ACIN1: variants seen among roughly 807,000 people sequenced by gnomAD.
ACIN1 encodes the protein apoptotic chromatin condensation inducer 1, also known as apoptotic chromatin condensation inducer in the nucleus.
ACIN1 carries 16 observed loss-of-function variants against 146.6 expected under a neutral mutation model. That is an observed-to-expected ratio of 0.11 (90% CI 0.07 to 0.17). The LOEUF is 0.17. Ranked by LOEUF, ACIN1 falls within the 10% of genes least tolerant of loss-of-function variation. The pLI is 1.00. For missense variants in ACIN1, 1,357 were observed against 1,609.3 expected, an observed-to-expected ratio of 0.84 and a Z score of 2.68; for synonymous variants, 569 against 582.7, an observed-to-expected ratio of 0.98 and a Z score of 0.34.
Position 23,080,082 on chromosome 14 carries a change from C to A in ACIN1, c.1253G>T (p.Gly418Val). The A allele has an allele frequency of 6.2e-7, 1 of 1,614,124 alleles. No individual in the cohort carries two copies. The highest frequency in any genetic ancestry group is 8.5e-7 in the Non-Finnish European group (1 of 1,180,008). ...TGAAGGACTTGACAAAGGAGACAGG[C>A]CTCCTACCAACTGGACAGTATGCTG... The part of the protein sequence containing the change: ...VSQHTVQLVG[G>V]LSPLSSPSDT... Residue 418 changes from glycine to valine, a missense_variant, in exon 6 of 19, where the codon GGC (glycine) becomes GTC (valine). Physicochemically the swap from Gly to Val is moderately radical, Grantham distance 109. This residue lies in a region of ACIN1 where 771 missense variants were observed against 746.6 expected (regional missense o/e 1.03). Transcript: ENST00000605057.
intron 8 of ACIN1, among the ~76,000 whole-genome samples, chr14:23,074,692 A>C (rs1256366993): frequency 6.6e-6 from 1 of 152,228 alleles, no homozygotes; most frequent in African/African-American, 2.4e-5. Flanking sequence ...ACAGTCTGTG[A>C]AACTGCACAG....
intron 8 of ACIN1, chr14:23,071,273 C>A: frequency 6.7e-7 from 1 of 1,502,112 alleles, no homozygotes; most frequent in Non-Finnish European, 8.9e-7. Context: ...GTTCCAAGAT[C>A]CCACCACCTC....
rs191257157 is a variant in ACIN1, at chr14:23,066,049, G to C, written c.2266-41C>G. The C allele has an allele frequency of 3.2e-6, 5 of 1,578,714 alleles. No individual in the cohort carries two copies. In the Middle Eastern group the frequency reaches 5.1e-4, roughly 161 times the overall value. On this transcript the variant is annotated intron_variant, in intron 9 of 18. Transcript: ENST00000605057. ...AAAGGGGAAAAAAAAGAGAAAGAGAGACACCCCACAGAGAGGGGGGAAGGA... is the reference window on the plus strand; with the variant it reads ...AAAGGGGAAAAAAAAGAGAAAGAGACACACCCCACAGAGAGGGGGGAAGGA...
intron 4 of ACIN1, among the ~76,000 whole-genome samples, chr14:23,083,933 C>T (rs1483343533): frequency 6.6e-6 from 1 of 151,964 alleles, no homozygotes; most frequent in East Asian, 1.9e-4. Flanking sequence ...CAGCTCTAAC[C>T]CAAGATCTTC....
chr14:23,093,421 C>T, intron 2 of ACIN1, 58 bp downstream of exon 2: 1 of 1,510,404 alleles, frequency 6.6e-7, no homozygotes, highest in Non-Finnish European at 9.2e-7. Context: ...ACACCACGTC[C>T]TTCCATGTGT....
rs1271701009 is a variant in ACIN1 at position 23,067,018 on chromosome 14, A to G, written c.2266-1010T>C. Among the ~76,000 whole-genome samples the G allele has an allele frequency of 6.6e-6, 1 of 152,000 alleles. No homozygotes were observed. The highest frequency in any genetic ancestry group is 2.4e-5 in the African/African-American group (1 of 41,362). On this transcript the variant is annotated intron_variant, in intron 9 of 18. Coordinates refer to ENST00000605057, the MANE Select transcript of ACIN1 (RefSeq NM_001386863.1). This position sits in a 1 kb window ranked among gnomAD's most constrained non-coding sequence, Gnocchi z 4.6. ...AACCTCGTGATGAAATCCCTTTCCCATCCACCCCCACCCGCAGCCCCGTTT... is the reference window on the plus strand; with the variant it reads ...AACCTCGTGATGAAATCCCTTTCCCGTCCACCCCCACCCGCAGCCCCGTTT...
Position 23,062,535 on chromosome 14 carries a change from A to G in ACIN1, c.2884-12T>C. On this transcript the variant is annotated splice_polypyrimidine_tract_variant and intron_variant, in intron 14 of 18. Coordinates refer to ENST00000605057, the MANE Select transcript of ACIN1 (RefSeq NM_001386863.1). Reference sequence around the variant, plus strand: ...GTGAAAGGACGGACCTGCCAATGAAAATAGACTTTCAGGGTCTAGCAGAAG... The same window carrying G: ...GTGAAAGGACGGACCTGCCAATGAAGATAGACTTTCAGGGTCTAGCAGAAG... 1 of 1,613,114 alleles carries G rather than the reference A, an allele frequency of 6.2e-7. No individual in the cohort carries two copies. The highest frequency in any genetic ancestry group is 8.5e-7 in the Non-Finnish European group (1 of 1,179,080).
rs781403250 is a variant in ACIN1, at chr14:23,061,439, TTTCCCG to T, written c.3277_3282del (p.Arg1093_Glu1094del). 3 of 1,613,844 alleles carry T rather than the reference TTTCCCG, an allele frequency of 1.9e-6. No individual in the cohort carries two copies. Among genetic ancestry groups the T allele is most frequent in the African/African-American group, 2.7e-5 (2 of 74,956 alleles). ...GATCGAGTCCGCTCCCGCCGCTCCA[TTTCCCG>T]TTCCCGTTCTGCCCACTGTTCCCGC... On this transcript the variant is annotated inframe_deletion, in exon 17 of 19. Coordinates refer to ENST00000605057, the MANE Select transcript of ACIN1 (RefSeq NM_001386863.1).
In ACIN1 at chr14:23,064,599, A is replaced by T; in HGVS notation, c.2309-111T>A. On this transcript the variant is annotated intron_variant, in intron 10 of 18. Transcript: ENST00000605057. Reference sequence around the variant, plus strand: ...TGGAGTTTTGGTAAAAGGTTAACTTAAAGAAATCATATTTGGAGGCTGAGT... The same window carrying T: ...TGGAGTTTTGGTAAAAGGTTAACTTTAAGAAATCATATTTGGAGGCTGAGT... 1.2e-5 allele frequency: 17 copies of T among 1,446,192 alleles called. No homozygotes were observed. The South Asian group carries it at 2.2e-4, about 19-fold the overall frequency. The allele number at this position is 1,446,192 out of a possible 1,614,324, so 89.6% of individuals were successfully genotyped here.
chr14:23,079,415 TA>T (rs568112888), intron 6 of ACIN1, 131 bp downstream of exon 6: 122 of 1,419,766 alleles, frequency 8.6e-5, no homozygotes, highest in Admixed American at 4.1e-4. Flanking sequence ...GAGGAGAAAG[TA>T]ATCAGTGAAG....
intron 8 of ACIN1, among the ~76,000 whole-genome samples, chr14:23,074,146 CTTTT>C (rs200344513): frequency 4.6e-5 from 7 of 151,330 alleles, no homozygotes; most frequent in African/African-American, 1.7e-4. Context: ...CCGAAAATTT[CTTTT>C]TTTTAAGAAT....
chr14:23,094,438 TTA>T (rs2048314106), intron 1 of ACIN1: 3 of 983,124 alleles, frequency 3.1e-6, no homozygotes, highest in Non-Finnish European at 3.6e-6. Flanking sequence ...TGCCACTAAA[TTA>T]GAGACCTCTC....
At chr14:23,092,541 AAGG>A (rs746209898) in intron 2 of ACIN1, among the ~76,000 whole-genome samples, 6 of 152,192 alleles carry the variant, frequency 3.9e-5, no homozygotes, top group Non-Finnish European at 7.4e-5. Context: ...GGTGATAACA[AAGG>A]AGGAGGAGGG....
chr14:23,070,920 C>CT (rs1355335699), intron 8 of ACIN1, among the ~76,000 whole-genome samples: 1 of 151,994 alleles, frequency 6.6e-6, no homozygotes, highest in Non-Finnish European at 1.5e-5. Context: ...AGAGAAAAGG[C>CT]TTATACAAAA....
intron 2 of ACIN1, 34 bp downstream of exon 2, chr14:23,093,445 G>C: frequency 6.3e-7 from 1 of 1,589,870 alleles, no homozygotes; most frequent in South Asian, 1.1e-5. Context: ...GATATCCAAA[G>C]GGCCCACTCC....
chr14:23,059,962 T>C (rs2047222660), intron 18 of ACIN1, among the ~76,000 whole-genome samples: 1 of 143,826 alleles, frequency 7.0e-6, no homozygotes, highest in African/African-American at 2.6e-5. Flanking sequence ...GCCAGTTTTT[T>C]TTTTTTTTTT....
intron 8 of ACIN1, chr14:23,071,541 A>C: frequency 1.9e-6 from 3 of 1,551,060 alleles, no homozygotes; most frequent in Non-Finnish European, 2.6e-6. Context: ...AGCCGGAGAC[A>C]TGCAGGGGAG....
chr14:23,095,133 C>G lies in ACIN1; in HGVS notation c.-21G>C. ...GCCATCTTGCGTGAGGTACTCGGGT[C>G]CGTCCCGACGGCTTCGGGCATCTTC... On this transcript the variant is annotated 5_prime_UTR_variant, in exon 1 of 19. Coordinates refer to ENST00000605057, the MANE Select transcript of ACIN1 (RefSeq NM_001386863.1). 2.5e-6 allele frequency: 4 copies of G among 1,614,264 alleles called. No individual in the cohort carries two copies. The African/African-American group carries it at 4.0e-5, about 16-fold the overall frequency.
rs186660855 is a variant in ACIN1, at chr14:23,072,717, T to A, written c.2124-3100A>T. Among the ~76,000 whole-genome samples, 170 of 152,322 alleles carry A rather than the reference T, an allele frequency of 1.1e-3. 1 individual carries two copies. The highest frequency in any genetic ancestry group is 1.1e-3 in the Admixed American group (17 of 15,298). ...CTTTTAAGCTAGGAATGAAATTTTC[T>A]CCCCGCTGCTTAAAATCTTACACTT... On this transcript the variant is annotated intron_variant, in intron 8 of 18. Coordinates refer to ENST00000605057, the MANE Select transcript of ACIN1 (RefSeq NM_001386863.1).
Sources: gnomAD v4.1 joint callset for allele counts (sites outside exome capture counted in the v4.1 genomes callset) on GRCh38, gnomAD v4.1.1 for gene constraint, gnomAD v4.1.1 regional missense constraint, Gnocchi (gnomAD v3.1) non-coding constraint, MANE v1.5 for transcripts, NCBI Gene and HGNC (gene_info 2026-07-23, HGNC 2026-07-21) for gene names.